The following IL13RA1 variants were observed in gnomAD, a reference collection of about 807,000 sequenced individuals.
IL13RA1 encodes the protein interleukin 13 receptor subunit alpha 1.
In IL13RA1, 14 loss-of-function variants were observed where a neutral mutation model predicts 33.8. That is an observed-to-expected ratio of 0.41 (90% confidence interval 0.27 to 0.65). The LOEUF is 0.65. Ranked by LOEUF, IL13RA1 falls within the 30% of genes least tolerant of loss-of-function variation. The probability of loss-of-function intolerance (pLI) is 0.28; values close to 1 mark genes in which losing one functional copy is unlikely to be tolerated. For synonymous variants in IL13RA1, 116 were observed against 115.7 expected (o/e 1.00, Z -0.02); for missense variants, 313 against 327.0 (o/e 0.96, Z 0.33).
chrX:118,800,731 A>G, the IL13RA1 span, among the ~76,000 whole-genome samples: 16 of 111,197 alleles, frequency 1.4e-4, no homozygotes, highest in African/African-American at 3.9e-4. Flanking sequence ...CAGCCTCCCA[A>G]TTAGCTCGGA....
chrX:118,747,945 A>T (rs2017425067), intron 3 of IL13RA1, among the ~76,000 whole-genome samples: 1 of 106,847 alleles, frequency 9.4e-6, no homozygotes, highest in Non-Finnish European at 1.9e-5. Flanking sequence ...AATTATTGGG[A>T]TGATTACGTA....
chrX:118,798,688 A>G (rs1156302726), downstream of IL13RA1, among the ~76,000 whole-genome samples: 2 of 112,404 alleles, frequency 1.8e-5, no homozygotes, highest in African/African-American at 6.5e-5. Context: ...ACCGTTTACT[A>G]AGTTCCTTAG....
chrX:118,757,022 C>T (rs768618945), intron 4 of IL13RA1, among the ~76,000 whole-genome samples: 2 of 111,272 alleles, frequency 1.8e-5, no homozygotes, highest in Non-Finnish European at 3.8e-5. Flanking sequence ...CTCCTACTCC[C>T]CCTCTGCTGG....
chrX:118,798,240 T>A (rs2018042387), downstream of IL13RA1, among the ~76,000 whole-genome samples: 2 of 111,799 alleles, frequency 1.8e-5, no homozygotes, highest in Non-Finnish European at 3.8e-5. Context: ...GCATTATACT[T>A]ATATAAATAT....
chrX:118,758,288 T>C (rs755884121), intron 5 of IL13RA1, 46 bp downstream of exon 5: 1 of 547,924 alleles, frequency 1.8e-6, no homozygotes, highest in Admixed American at 3.0e-5. Flanking sequence ...AAAAGTGTGT[T>C]ATATCTTTTG....
chrX:118,776,558 T>TA, intron 10 of IL13RA1, 47 bp downstream of exon 10: 1 of 499,103 alleles, frequency 2.0e-6, no homozygotes, highest in South Asian at 3.2e-5. Flanking sequence ...TTTTTTTTTT[T>TA]TTTTGGAAGC....
intron 4 of IL13RA1, among the ~76,000 whole-genome samples, chrX:118,752,331 G>A (rs1225194827): frequency 9.0e-6 from 1 of 111,239 alleles, no homozygotes; most frequent in Non-Finnish European, 1.9e-5. Flanking sequence ...ACTTCTTTCA[G>A]TTCCTCAGAC....
intron 1 of IL13RA1, among the ~76,000 whole-genome samples, chrX:118,740,205 G>A (rs778222490): frequency 8.9e-6 from 1 of 112,011 alleles, no homozygotes; most frequent in African/African-American, 3.2e-5. Context: ...GGCTCAAGCC[G>A]CTTGGTCTCC....
chrX:118,732,416 T>A (rs1009714778), intron 1 of IL13RA1, among the ~76,000 whole-genome samples: 11 of 108,072 alleles, frequency 1.0e-4, no homozygotes, highest in Non-Finnish European at 1.5e-4. Context: ...ATATATATAT[T>A]TATTATACCT....
chrX:118,796,685 G>T (rs930687299), downstream of IL13RA1, among the ~76,000 whole-genome samples: 1 of 111,311 alleles, frequency 9.0e-6, no homozygotes, highest in Non-Finnish European at 1.9e-5. Flanking sequence ...CTAGGTGACC[G>T]CCACCACGCC....
chrX:118,753,019 T>C (rs1054432546), intron 4 of IL13RA1, among the ~76,000 whole-genome samples: 4 of 111,927 alleles, frequency 3.6e-5, no homozygotes, highest in African/African-American at 9.8e-5. Context: ...CCTCTTGTTT[T>C]CCCTGGAATC....
chrX:118,778,470 G>A (rs762906674), intron 10 of IL13RA1, among the ~76,000 whole-genome samples: 345 of 111,384 alleles, frequency 3.1e-3, no homozygotes, highest in Non-Finnish European at 5.2e-3. Flanking sequence ...CTTTAGTTGA[G>A]TCACAGTCAA....
chrX:118,733,670 G>A (rs1299675272), intron 1 of IL13RA1, among the ~76,000 whole-genome samples: 1 of 111,475 alleles, frequency 9.0e-6, no homozygotes, highest in African/African-American at 3.3e-5. Flanking sequence ...TACATTGTTG[G>A]TGTCATATCC....
At chrX:118,729,645 T>G (rs2017194244) in intron 1 of IL13RA1, among the ~76,000 whole-genome samples, 1 of 112,767 alleles carries the variant, frequency 8.9e-6, no homozygotes, top group East Asian at 2.8e-4. Flanking sequence ...ATGTCTTAAT[T>G]ATAACTAGCA....
At chrX:118,745,397 G>C (rs748123542) in intron 2 of IL13RA1, among the ~76,000 whole-genome samples, 1 of 111,613 alleles carries the variant, frequency 9.0e-6, no homozygotes, top group South Asian at 3.7e-4. Flanking sequence ...CTGCCTGTCA[G>C]GATTTTGCTC....
intron 8 of IL13RA1, among the ~76,000 whole-genome samples, chrX:118,768,470 C>T (rs1330269577): frequency 8.9e-6 from 1 of 111,851 alleles, no homozygotes; most frequent in Non-Finnish European, 1.9e-5. Context: ...TGGAAAGCCT[C>T]AGTACCTCAC....
At chrX:118,751,058 C>T (rs748135367) in intron 4 of IL13RA1, among the ~76,000 whole-genome samples, 3 of 111,995 alleles carry the variant, frequency 2.7e-5, no homozygotes, top group Non-Finnish European at 5.6e-5. Context: ...CTGCCCATCT[C>T]GGCCTCCCAA....
downstream of IL13RA1, among the ~76,000 whole-genome samples, chrX:118,799,275 G>C (rs1005541529): frequency 3.5e-5 from 4 of 112,932 alleles, no homozygotes; most frequent in Admixed American, 1.8e-4. Context: ...CGAGCCTCCC[G>C]GACGAGCACT....
chrX:118,769,547 A>G (rs2489876), intron 8 of IL13RA1, among the ~76,000 whole-genome samples: 18,896 of 112,568 alleles, frequency 0.17, 1,432 homozygotes, highest in East Asian at 0.41. Context: ...TTTAAGAATA[A>G]TAGTAGTTGT....
Sources: allele counts gnomAD v4.1 joint callset (sites outside exome capture counted in the v4.1 genomes callset), GRCh38; gene constraint gnomAD v4.1.1; transcripts MANE v1.5; gene names NCBI Gene and HGNC (gene_info 2026-07-23, HGNC 2026-07-21).